Variants in C12orf50 observed in about 807,000 individuals in gnomAD.
The protein encoded by C12orf50 is uncharacterized protein C12orf50.
In C12orf50, 35 loss-of-function variants were observed where a neutral mutation model predicts 61.6. The observed-to-expected ratio is 0.57, with a 90% CI of 0.43 to 0.75. The LOEUF (loss-of-function observed/expected upper bound fraction) is 0.75. Ranked by LOEUF, C12orf50 falls within the 30% of genes least tolerant of loss-of-function variation. C12orf50 has a pLI of 0.00. For missense variants in C12orf50, 475 were observed against 488.5 expected (o/e 0.97, Z 0.26); for synonymous variants, 178 against 161.5 (o/e 1.10, Z -0.77).
At chr12:87,991,972 A>G (rs1014314192) in intron 7 of C12orf50, among the ~76,000 whole-genome samples, 3 of 152,128 alleles carry the variant, frequency 2.0e-5, no homozygotes, top group Non-Finnish European at 2.9e-5. Flanking sequence ...GCACATTCCT[A>G]GCTGAGGTCT....
At chr12:87,997,158 A>G (rs1366869016) in intron 4 of C12orf50, among the ~76,000 whole-genome samples, 1 of 152,130 alleles carries the variant, frequency 6.6e-6, no homozygotes, top group Non-Finnish European at 1.5e-5. Context: ...TGCAAAAGAC[A>G]TGGGTCCTAA....
chr12:88,022,326 T>G (rs989118104), intron 3 of C12orf50, among the ~76,000 whole-genome samples: 4 of 151,962 alleles, frequency 2.6e-5, no homozygotes, highest in African/African-American at 9.7e-5. Flanking sequence ...AAACCCTCAA[T>G]AAGCTAGGAA....
intron 3 of C12orf50, among the ~76,000 whole-genome samples, chr12:88,016,808 T>C (rs111776105): frequency 6.2e-4 from 94 of 152,262 alleles, no homozygotes; most frequent in African/African-American, 2.1e-3. Context: ...CAAATAGACA[T>C]ATTAAACCAG....
chr12:87,982,523 T>C (rs1378844900), intron 12 of C12orf50, among the ~76,000 whole-genome samples: 1 of 151,780 alleles, frequency 6.6e-6, no homozygotes, highest in Non-Finnish European at 1.5e-5. Flanking sequence ...CCCAGGAGAG[T>C]CTGGGAAAAG....
intron 3 of C12orf50, among the ~76,000 whole-genome samples, chr12:88,021,593 G>T (rs144027945): frequency 6.6e-6 from 1 of 151,798 alleles, no homozygotes; most frequent in South Asian, 2.1e-4. Flanking sequence ...AGCCAAGATC[G>T]CACCACTGCA....
chr12:87,997,755 G>C (rs1221385252), intron 4 of C12orf50, among the ~76,000 whole-genome samples: 4 of 152,092 alleles, frequency 2.6e-5, no homozygotes, highest in Non-Finnish European at 5.9e-5. Flanking sequence ...TCCTTTTTAT[G>C]ACTGCATAGT....
intron 3 of C12orf50, among the ~76,000 whole-genome samples, chr12:88,025,063 G>C (rs1007753608): frequency 6.6e-6 from 1 of 152,162 alleles, no homozygotes; most frequent in Non-Finnish European, 1.5e-5. Context: ...AAAACATGGG[G>C]TGGTAGCTTG....
At position 87,987,851 on chromosome 12, in the gene C12orf50, T is replaced by G. The variant is rs1405134185; in HGVS notation, c.816A>C (p.Ser272=). Residue 272 remains serine (S), a splice_region_variant and synonymous_variant, in exon 9 of 13, where the codon TCA becomes TCC. Transcript: ENST00000298699. ...AAAGTGATAGAGCTAATGTCTCACT[T>G]GAAGAGGGGTCCTCTCTGCACTTCA... is the stretch of plus-strand genomic sequence containing the variant. The part of the protein sequence containing the change: ...ISMKCREDPS[S]MNDVQPVKKP... 6.3e-7 allele frequency: 1 copy of G among 1,579,222 alleles called. No individual in the cohort carries two copies. Among genetic ancestry groups the G allele is most frequent in the Non-Finnish European group, 8.7e-7 (1 of 1,150,902 alleles).
chr12:87,980,107 A>G lies in C12orf50; in HGVS notation c.*224T>C, dbSNP rs2030382376. The stretch of plus-strand genomic sequence containing the variant: ...CACGGAATGAATTCCAGACCTACAT[A>G]AATACACTGGCAGCTGTTGGTAATT... On this transcript the variant is annotated 3_prime_UTR_variant, in exon 13 of 13. Transcript: ENST00000298699. 1.8e-6 allele frequency: 1 copy of G among 542,804 alleles called. No individual in the cohort carries two copies. Among genetic ancestry groups the G allele is most frequent in the Admixed American group, 3.5e-5 (1 of 28,240 alleles). The allele number at this position is 542,804 out of a possible 1,614,324, so 33.6% of individuals were successfully genotyped here.
At chr12:87,987,432 G>T (rs920025633) in intron 9 of C12orf50, among the ~76,000 whole-genome samples, 1 of 152,140 alleles carries the variant, frequency 6.6e-6, no homozygotes, top group Non-Finnish European at 1.5e-5. Context: ...GAAGGGAAGG[G>T]ATCAGGAAGA....
intron 7 of C12orf50, among the ~76,000 whole-genome samples, chr12:87,994,259 T>C (rs1172468011): frequency 3.9e-5 from 6 of 152,142 alleles, no homozygotes; most frequent in Admixed American, 3.3e-4. Context: ...CTTAATCAAA[T>C]GATTTATTAA....
At chr12:87,990,790 G>A (rs978796104) in intron 7 of C12orf50, among the ~76,000 whole-genome samples, 1 of 151,970 alleles carries the variant, frequency 6.6e-6, no homozygotes, top group Non-Finnish European at 1.5e-5. Flanking sequence ...AATTGAGGGG[G>A]AAATGAAAAA....
chr12:87,993,023 C>T (rs1055840335), intron 7 of C12orf50, among the ~76,000 whole-genome samples: 10 of 151,936 alleles, frequency 6.6e-5, no homozygotes, highest in African/African-American at 2.4e-4. Context: ...ACACAGAGAA[C>T]ATTATGATGC....
intron 3 of C12orf50, among the ~76,000 whole-genome samples, chr12:88,001,275 A>T (rs920405567): frequency 1.3e-5 from 2 of 148,258 alleles, no homozygotes; most frequent in African/African-American, 5.2e-5. Context: ...TTTGCTCTTT[A>T]TTATATTATT....
intron 3 of C12orf50, among the ~76,000 whole-genome samples, chr12:88,024,227 T>C (rs915649450): frequency 4.6e-5 from 7 of 152,176 alleles, no homozygotes; most frequent in Admixed American, 1.3e-4. Context: ...TAGCAATTAT[T>C]TGAAGAACTT....
intron 9 of C12orf50, among the ~76,000 whole-genome samples, chr12:87,987,166 AATT>A (rs767049299): frequency 1.3e-5 from 2 of 152,116 alleles, no homozygotes; most frequent in Non-Finnish European, 2.9e-5. Flanking sequence ...ACAGTAAACT[AATT>A]AATCTTTCTG....
At chr12:88,011,439 C>T (rs570635554) in intron 3 of C12orf50, among the ~76,000 whole-genome samples, 1 of 152,274 alleles carries the variant, frequency 6.6e-6, no homozygotes, top group South Asian at 2.1e-4. Flanking sequence ...TGATTACTCA[C>T]TCTTTGCCAA....
intron 3 of C12orf50, among the ~76,000 whole-genome samples, chr12:88,018,393 G>A (rs1164602155): frequency 1.3e-5 from 2 of 152,252 alleles, no homozygotes; most frequent in Admixed American, 1.3e-4. Context: ...GATTTCAGAG[G>A]GCGTGTGGAA....
chr12:87,984,160 ATG>A (rs1332532656), intron 11 of C12orf50: 2 of 151,610 alleles, frequency 1.3e-5, no homozygotes, highest in Non-Finnish European at 2.9e-5. Flanking sequence ...GCATTTTTTC[ATG>A]TGTCTTTTGG....
Sources: allele counts gnomAD v4.1 joint callset (sites outside exome capture counted in the v4.1 genomes callset), GRCh38; gene constraint gnomAD v4.1.1; transcripts MANE v1.5; gene names NCBI Gene and HGNC (gene_info 2026-07-23, HGNC 2026-07-21).